RYR2: variants seen among roughly 807,000 people sequenced by gnomAD.
RYR2 encodes cardiac muscle ryanodine receptor-calcium release channel.
Under a neutral mutation model 601.1 loss-of-function variants are expected in RYR2, and 227 were observed. The observed-to-expected ratio is 0.38, with a 90% CI of 0.34 to 0.42. The LOEUF (loss-of-function observed/expected upper bound fraction) is 0.42. Ranked by LOEUF, RYR2 falls within the 10% of genes least tolerant of loss-of-function variation. The probability of loss-of-function intolerance (pLI) is 1.00; values close to 1 mark genes in which losing one functional copy is unlikely to be tolerated. For missense variants in RYR2, 4,646 were observed against 6,156.5 expected (o/e 0.75, Z 8.21); for synonymous variants, 2,223 against 2,175.1 (o/e 1.02, Z -0.61).
intron 23 of RYR2, among the ~76,000 whole-genome samples, chr1:237,508,091 G>A (rs1409008897): frequency 6.6e-6 from 1 of 152,034 alleles, no homozygotes; most frequent in Non-Finnish European, 1.5e-5. Flanking sequence ...AGCCTCCCAA[G>A]TAGCTGGTTT....
intron 1 of RYR2, among the ~76,000 whole-genome samples, chr1:237,176,412 C>T (rs1348023933): frequency 2.6e-5 from 4 of 151,254 alleles, no homozygotes; most frequent in African/African-American, 9.7e-5. Flanking sequence ...TCCTAATTTA[C>T]TTTAAAATAT....
At chr1:237,613,667 C>G (rs1194109818) in intron 36 of RYR2, among the ~76,000 whole-genome samples, 1 of 152,112 alleles carries the variant, frequency 6.6e-6, no homozygotes, top group Non-Finnish European at 1.5e-5. Flanking sequence ...TTAAACATGT[C>G]ATAGAAAATT....
In RYR2 at chr1:237,679,661, A is replaced by G. The variant is rs181103091; in HGVS notation, c.8896-795A>G. Among the ~76,000 whole-genome samples the G allele has an allele frequency of 4.5e-3, 684 of 152,334 alleles. 6 individuals are homozygous for G. Among genetic ancestry groups the G allele is most frequent in the African/African-American group, 0.015 (639 of 41,576 alleles). ...TTGTGTAACTCATAGGCTCCTGGAA[A>G]GAGAGACTTTAATCCAAAGTCCCAC... On this transcript the variant is annotated intron_variant, in intron 61 of 104. Transcript: ENST00000366574.
chr1:237,257,737 T>C (rs1218193996), intron 1 of RYR2, among the ~76,000 whole-genome samples: 11 of 151,938 alleles, frequency 7.2e-5, no homozygotes, highest in Admixed American at 7.2e-4. Context: ...ATGAAGGAAC[T>C]GGAGAGATAA....
At chr1:237,430,473 A>G (rs909817163) in intron 12 of RYR2, among the ~76,000 whole-genome samples, 30 of 152,058 alleles carry the variant, frequency 2.0e-4, no homozygotes, top group African/African-American at 7.0e-4. Flanking sequence ...TTTGTATATG[A>G]TTTTATGGTA....
intron 60 of RYR2, among the ~76,000 whole-genome samples, chr1:237,677,326 G>T: frequency 6.6e-6 from 1 of 152,096 alleles, no homozygotes; most frequent in East Asian, 1.9e-4. Flanking sequence ...ATATATGCAT[G>T]AACCTTTTCC....
At position 237,687,446 on chromosome 1, in the gene RYR2, T is replaced by C. The variant is rs1167504767; in HGVS notation, c.9018-9T>C. 1.9e-6 allele frequency: 3 copies of C among 1,575,714 alleles called. No homozygotes were observed. The highest frequency in any genetic ancestry group is 2.2e-5 in the East Asian group (1 of 44,610). Reference sequence around the variant, plus strand: ...TCCCTTTTCTCTTTTGTTTTTCTTTTGTCTTCAGCCTATTCTGCAAACTTG... The same window carrying C: ...TCCCTTTTCTCTTTTGTTTTTCTTTCGTCTTCAGCCTATTCTGCAAACTTG... On this transcript the variant is annotated splice_polypyrimidine_tract_variant and intron_variant, in intron 62 of 104. Coordinates refer to ENST00000366574, the MANE Select transcript of RYR2 (RefSeq NM_001035.3).
intron 99 of RYR2, 46 bp from the exon 100 acceptor site, chr1:237,808,851 TTGTA>T: frequency 1.3e-6 from 2 of 1,598,880 alleles, no homozygotes; most frequent in Non-Finnish European, 1.7e-6. Context: ...CACGTGTCAA[TTGTA>T]TGTCCTACAT....
At chr1:237,580,839 A>G (rs918763128) in intron 29 of RYR2, among the ~76,000 whole-genome samples, 1 of 151,718 alleles carries the variant, frequency 6.6e-6, no homozygotes, top group Non-Finnish European at 1.5e-5. Context: ...AGACCATGTG[A>G]GGATACAGCC....
intron 58 of RYR2, among the ~76,000 whole-genome samples, chr1:237,669,375 C>T: frequency 6.6e-6 from 1 of 152,162 alleles, no homozygotes; most frequent in Non-Finnish European, 1.5e-5. Flanking sequence ...ATGGCCCGTT[C>T]TCAATGAGCT....
intron 2 of RYR2, among the ~76,000 whole-genome samples, chr1:237,305,528 C>G (rs1476118575): frequency 4.6e-5 from 7 of 152,202 alleles, no homozygotes; most frequent in Non-Finnish European, 7.3e-5. Context: ...ACCTCCCAGG[C>G]TCAAGCGATC....
intron 1 of RYR2, among the ~76,000 whole-genome samples, chr1:237,148,770 A>C (rs1026615424): frequency 6.6e-6 from 1 of 151,962 alleles, no homozygotes; most frequent in Non-Finnish European, 1.5e-5. Flanking sequence ...AAAAATAATG[A>C]TAATTATACC....
At position 237,380,359 on chromosome 1, in the gene RYR2, A is replaced by AATATATAT. The variant is rs57204036; in HGVS notation, c.576+2980_576+2987dup. Reference sequence around the variant, plus strand: ...GCACACTTGCCTTGTAGAATACACAAATATATATATATATATATATATATA... The same window carrying AATATATAT: ...GCACACTTGCCTTGTAGAATACACAAATATATATATATATATATATATATATATATATA... On this transcript the variant is annotated intron_variant, in intron 8 of 104. Transcript: ENST00000366574. 2.6e-3 allele frequency among the ~76,000 whole-genome samples: 77 copies of AATATATAT among 29,224 alleles called. 4 individuals are homozygous for AATATATAT. Among genetic ancestry groups the AATATATAT allele is most frequent in the South Asian group, 4.0e-3 (3 of 750 alleles). The allele number at this position is 29,224 out of a possible 152,430, so 19.2% of individuals were successfully genotyped here. A position where few individuals can be genotyped will look rare whatever the true frequency, so the allele number is the denominator to read the frequency against.
intron 1 of RYR2, among the ~76,000 whole-genome samples, chr1:237,053,862 T>C (rs1206494914): frequency 6.6e-6 from 1 of 152,148 alleles, no homozygotes; most frequent in East Asian, 1.9e-4. Context: ...GAGGCAGCAT[T>C]TCCAGTCACA....
At chr1:237,678,183 C>A in intron 61 of RYR2, 71 bp downstream of exon 61, 1 of 827,478 alleles carries the variant, frequency 1.2e-6, no homozygotes, top group Non-Finnish European at 2.0e-6. Context: ...TAGATCGTTG[C>A]CCTTTTCAGA....
rs375473089 is a variant in RYR2, at chr1:237,786,080, A to G, written c.13328+44A>G. The stretch of plus-strand genomic sequence containing the variant: ...TACTTTTCCTTCGTTTCAGTTTGTC[A>G]TTACATCTCTTTTTCTTGTACTCTG... On this transcript the variant is annotated intron_variant, in intron 91 of 104. Transcript: ENST00000366574. The G allele has an allele frequency of 2.5e-5, 30 of 1,212,618 alleles. No individual in the cohort carries two copies. In the African/African-American group the frequency reaches 3.9e-4, roughly 16 times the overall value. 75.1% of individuals were successfully genotyped at this position (1,212,618 alleles called of 1,614,324 possible).
chr1:237,469,258 CAAAA>C (rs66912945), intron 17 of RYR2, 71 bp downstream of exon 17: 624 of 111,652 alleles, frequency 5.6e-3, no homozygotes, highest in Middle Eastern at 0.016. Flanking sequence ...TCCTTTAAGA[CAAAA>C]AAAAAAAAAA....
At chr1:237,452,337 A>G (rs944492919) in intron 14 of RYR2, among the ~76,000 whole-genome samples, 2 of 146,572 alleles carry the variant, frequency 1.4e-5, no homozygotes, top group African/African-American at 5.0e-5. Context: ...ATACTACATA[A>G]TAGTATAATT....
intron 89 of RYR2, among the ~76,000 whole-genome samples, chr1:237,782,951 C>A (rs950508634): frequency 1.3e-5 from 2 of 152,160 alleles, no homozygotes; most frequent in African/African-American, 4.8e-5. Context: ...CTCTGTGGAC[C>A]TCTGACCAGC....
Sources: allele counts gnomAD v4.1 joint callset (sites outside exome capture counted in the v4.1 genomes callset), GRCh38; gene constraint gnomAD v4.1.1; transcripts MANE v1.5; gene names NCBI Gene and HGNC (gene_info 2026-07-23, HGNC 2026-07-21).